The following CSMD2 variants were observed in gnomAD, a reference collection of about 807,000 sequenced individuals.
CSMD2 encodes CUB and Sushi multiple domains 2, also known as CUB and sushi domain-containing protein 2.
Under a neutral mutation model 398.5 loss-of-function variants are expected in CSMD2, and 130 were observed. The observed-to-expected ratio is 0.33, with a 90% CI of 0.28 to 0.38. The LOEUF (loss-of-function observed/expected upper bound fraction) is 0.38. Among genes scored for constraint, CSMD2 ranks in the 10% least tolerant of loss-of-function variants. CSMD2 has a pLI of 1.00. For synonymous variants in CSMD2, 1,828 were observed against 1,908.5 expected (o/e 0.96, Z 1.10); for missense variants, 3,829 against 4,764.9 (o/e 0.80, Z 5.78).
intron 2 of CSMD2, among the ~76,000 whole-genome samples, chr1:34,070,221 C>A (rs919127322): frequency 4.6e-5 from 7 of 152,206 alleles, no homozygotes; most frequent in African/African-American, 1.7e-4. Flanking sequence ...GACAGCCATT[C>A]CCTCTTCCTT....
Position 33,700,645 on chromosome 1 carries a change from C to A in CSMD2, c.3605G>T (p.Arg1202Leu), listed in dbSNP as rs201989989. 6.2e-7 allele frequency: 1 copy of A among 1,614,140 alleles called. No individual in the cohort carries two copies. Among genetic ancestry groups the A allele is most frequent in the South Asian group, 1.1e-5 (1 of 91,080 alleles). ...AGAATGGCTAAAAACTCCCAGCAAA[C>A]GGGCGGAGTTGTTGTTGCCATCATA... ...KVYDGNNNSA[R>L]LLGVFSHSEM... is the part of the protein sequence containing the mutation. Residue 1202 changes from arginine to leucine, a missense_variant, in exon 23 of 71, where the codon CGT becomes CTT. Arg to Leu is a moderately radical substitution (Grantham distance 102). Coordinates refer to ENST00000373381, the MANE Select transcript of CSMD2 (RefSeq NM_001281956.2).
chr1:33,972,527 G>A (rs1156241999), intron 3 of CSMD2, among the ~76,000 whole-genome samples: 3 of 152,304 alleles, frequency 2.0e-5, no homozygotes, highest in African/African-American at 7.2e-5. Flanking sequence ...AATCACAAGT[G>A]TCCTTATAAG....
intron 10 of CSMD2, among the ~76,000 whole-genome samples, chr1:33,794,870 G>A (rs891787749): frequency 6.6e-6 from 1 of 151,662 alleles, no homozygotes; most frequent in Non-Finnish European, 1.5e-5. Flanking sequence ...GGTAGGATGT[G>A]GGCCTGTAGC....
At chr1:34,019,317 G>A (rs565016951) in intron 3 of CSMD2, among the ~76,000 whole-genome samples, 1 of 152,238 alleles carries the variant, frequency 6.6e-6, no homozygotes, top group African/African-American at 2.4e-5. Context: ...CTCACAACTG[G>A]AGACCCCAGC....
At chr1:33,779,589 C>T (rs1569887675) in intron 12 of CSMD2, among the ~76,000 whole-genome samples, 2 of 152,234 alleles carry the variant, frequency 1.3e-5, no homozygotes, top group African/African-American at 4.8e-5. Flanking sequence ...GCCATCCTCT[C>T]TTCCCGAAAT....
intron 64 of CSMD2, among the ~76,000 whole-genome samples, chr1:33,528,844 A>C (rs1274528869): frequency 2.0e-5 from 3 of 152,264 alleles, no homozygotes; most frequent in African/African-American, 7.2e-5. Flanking sequence ...CAAGACTTGT[A>C]CACTGAAAAA....
chr1:34,128,829 G>A (rs568810297), intron 1 of CSMD2, among the ~76,000 whole-genome samples: 24 of 152,176 alleles, frequency 1.6e-4, no homozygotes, highest in Non-Finnish European at 3.2e-4. Flanking sequence ...TAGGGATGGG[G>A]GAGGTTCAAG....
chr1:34,145,981 G>C (rs1639731311), intron 1 of CSMD2, among the ~76,000 whole-genome samples: 1 of 152,278 alleles, frequency 6.6e-6, no homozygotes, highest in Non-Finnish European at 1.5e-5. Context: ...GATTCATGGT[G>C]AAAGGAGGTG....
chr1:33,633,666 C>G lies in CSMD2; in HGVS notation c.5087-131G>C, dbSNP rs889744982. 6 of 677,390 alleles carry G rather than the reference C, an allele frequency of 8.9e-6. No individual in the cohort carries two copies. The highest frequency in any genetic ancestry group is 2.2e-5 in the Admixed American group (1 of 45,568). 42.0% of individuals were successfully genotyped at this position (677,390 alleles called of 1,614,324 possible). A position where few individuals can be genotyped will look rare whatever the true frequency, so the allele number is the denominator to read the frequency against. On this transcript the variant is annotated intron_variant, in intron 31 of 70. Transcript: ENST00000373381. The surrounding 1 kb of genome is among the most constrained non-coding windows in gnomAD (Gnocchi z 5.0). ...TTGTTGGTTCCTGGGCTGTGGCTTG[C>G]TGCACTGGTTAGTGCAGTGGCACAG...
At chr1:33,814,235 T>C (rs1025938025) in intron 9 of CSMD2, 1 of 152,216 alleles carries the variant, frequency 6.6e-6, no homozygotes, top group East Asian at 1.9e-4. Context: ...AAGACATCAG[T>C]TTGGAATGAA....
At chr1:34,027,382 G>T (rs1427472115) in intron 3 of CSMD2, among the ~76,000 whole-genome samples, 1 of 152,218 alleles carries the variant, frequency 6.6e-6, no homozygotes, top group Non-Finnish European at 1.5e-5. Context: ...CTGGCAAGGT[G>T]GGAGGAATGG....
intron 32 of CSMD2, among the ~76,000 whole-genome samples, chr1:33,632,359 C>G (rs1032346130): frequency 2.6e-5 from 4 of 151,904 alleles, no homozygotes; most frequent in African/African-American, 9.7e-5. Flanking sequence ...GAGAGGAGGG[C>G]TTTTTATAGC....
chr1:33,802,236 G>A (rs904878679), intron 10 of CSMD2, among the ~76,000 whole-genome samples: 4 of 152,212 alleles, frequency 2.6e-5, no homozygotes, highest in African/African-American at 9.7e-5. Context: ...TGCATCACTT[G>A]CTCTGAGCCT....
intron 1 of CSMD2, among the ~76,000 whole-genome samples, chr1:34,111,802 T>C (rs1325840642): frequency 6.6e-6 from 1 of 152,002 alleles, no homozygotes; most frequent in Non-Finnish European, 1.5e-5. Flanking sequence ...AGAAAAAGAT[T>C]TGGGCTGGTC....
rs936900076 is a variant in CSMD2, at chr1:33,929,432, C to CTTTTTTTTTT, written c.712+6318_712+6327dup. ...TCCTGAACTCAGAACCAAGCCTATA[C>CTTTTTTTTTT]TTTTTTTTTTTTTTTTTTTTTTTGA... is the stretch of plus-strand genomic sequence containing the variant. On this transcript the variant is annotated intron_variant, in intron 4 of 70. Coordinates refer to ENST00000373381, the MANE Select transcript of CSMD2 (RefSeq NM_001281956.2). 2.9e-4 allele frequency among the ~76,000 whole-genome samples: 29 copies of CTTTTTTTTTT among 100,664 alleles called. 3 individuals carry two copies. The highest frequency in any genetic ancestry group is 4.4e-4 in the African/African-American group (10 of 22,548). 66.0% of individuals were successfully genotyped at this position (100,664 alleles called of 152,430 possible).
At chr1:33,776,451 T>C (rs1474448705) in intron 12 of CSMD2, among the ~76,000 whole-genome samples, 1 of 152,142 alleles carries the variant, frequency 6.6e-6, no homozygotes, top group East Asian at 1.9e-4. Flanking sequence ...CAGTCTTTGC[T>C]GAAGGTGAGG....
intron 58 of CSMD2, among the ~76,000 whole-genome samples, chr1:33,542,175 C>A (rs1181201957): frequency 6.6e-6 from 1 of 152,198 alleles, no homozygotes; most frequent in Non-Finnish European, 1.5e-5. Context: ...CAGTGACTCA[C>A]TTTTCCCAGA....
intron 3 of CSMD2, among the ~76,000 whole-genome samples, chr1:33,981,959 A>C (rs2147958631): frequency 6.6e-6 from 1 of 152,270 alleles, no homozygotes; most frequent in Middle Eastern, 3.4e-3. Flanking sequence ...TGGAAGTCAC[A>C]CTGGGTGCCC....
intron 27 of CSMD2, among the ~76,000 whole-genome samples, chr1:33,654,225 C>T (rs1643884296): frequency 6.6e-6 from 1 of 152,178 alleles, no homozygotes; most frequent in South Asian, 2.1e-4. Flanking sequence ...TAACAAATCA[C>T]ATTTTAGATA....
Sources: allele counts gnomAD v4.1 joint callset (sites outside exome capture counted in the v4.1 genomes callset), GRCh38; gene constraint gnomAD v4.1.1; non-coding constraint Gnocchi (gnomAD v3.1); transcripts MANE v1.5; gene names NCBI Gene and HGNC (gene_info 2026-07-23, HGNC 2026-07-21).